CDS1: variants seen among roughly 807,000 people sequenced by gnomAD.
CDS1 encodes phosphatidate cytidylyltransferase 1.
A neutral mutation model predicts 62.1 loss-of-function variants in CDS1; 41 were observed. The ratio of observed to expected loss-of-function variants is 0.66; its 90% CI spans 0.51 to 0.86. The LOEUF (loss-of-function observed/expected upper bound fraction) is 0.86, where lower values mean the gene tolerates loss of function less well. Ranked by LOEUF, CDS1 falls within the 40% of genes least tolerant of loss-of-function variation. The pLI is 0.00. For missense variants in CDS1, 470 were observed against 550.1 expected, an observed-to-expected ratio of 0.85 and a Z score of 1.46; for synonymous variants, 185 against 192.6, an observed-to-expected ratio of 0.96 and a Z score of 0.32.
intron 2 of CDS1, among the ~76,000 whole-genome samples, chr4:84,606,707 GTTTCAC>G (rs1381702304): frequency 1.3e-5 from 2 of 151,766 alleles, no homozygotes; most frequent in African/African-American, 2.4e-5. Flanking sequence ...TTAAAACAGG[GTTTCAC>G]TCTGTTGCCT....
At chr4:84,603,754 G>T (rs1293652847) in intron 1 of CDS1, among the ~76,000 whole-genome samples, 1 of 152,196 alleles carries the variant, frequency 6.6e-6, no homozygotes, top group Non-Finnish European at 1.5e-5. Flanking sequence ...CATTTGACCT[G>T]CTTCAATTGG....
At chr4:84,625,418 G>A (rs1231217489) in intron 5 of CDS1, among the ~76,000 whole-genome samples, 2 of 152,114 alleles carry the variant, frequency 1.3e-5, no homozygotes, top group African/African-American at 4.8e-5. Context: ...GCTGAAATGT[G>A]AACAAGTCCT....
rs1389687681 is a variant in CDS1, at chr4:84,640,956, C to T, written c.998C>T (p.Ser333Leu). The change falls in exon 10 of 13, where the codon TCA becomes TTA. Residue 333 changes from serine (S) to leucine (L), a missense_variant. By Grantham distance (145) the Ser-to-Leu change is moderately radical (BLOSUM62 -2). Around this residue, in one of 5 missense-constraint regions of CDS1, gnomAD observed 214 missense variants for 242.4 expected, o/e 0.88. Transcript: ENST00000295887. ...PSELFQLQTY[S>L]LPPFLKAVLR... ...GAACTTTTCCAGCTTCAGACTTACT[C>T]ACTTCCACCCTTTCTAAAGGCAGTC... 6.2e-7 allele frequency: 1 copy of T among 1,601,642 alleles called. No individual in the cohort carries two copies. The highest frequency in any genetic ancestry group is 1.1e-5 in the South Asian group (1 of 89,050).
chr4:84,633,930 G>A lies in CDS1; in HGVS notation c.713G>A (p.Gly238Asp). Residue 238 changes from glycine to aspartate, a missense_variant, in exon 7 of 13, where the codon GGC becomes GAC. Gly to Asp is a moderately conservative substitution (Grantham distance 94). Around this residue, in one of 5 missense-constraint regions of CDS1, gnomAD observed 214 missense variants for 242.4 expected, o/e 0.88. Transcript: ENST00000295887. The stretch of plus-strand genomic sequence containing the variant: ...CTTGTCATCCAAAATCTGTTTGAAG[G>A]CATGATATGGTAAGGCAACAGAATT... Reference protein sequence around the residue: ...SHLVIQNLFEGMIWFLVPISS... With the variant: ...SHLVIQNLFEDMIWFLVPISS... 3 of 1,596,944 alleles carry A rather than the reference G, an allele frequency of 1.9e-6. No individual in the cohort carries two copies. Among genetic ancestry groups the A allele is most frequent in the Non-Finnish European group, 2.6e-6 (3 of 1,168,118 alleles).
At chr4:84,615,518 C>A (rs971878315) in intron 3 of CDS1, among the ~76,000 whole-genome samples, 1 of 152,078 alleles carries the variant, frequency 6.6e-6, no homozygotes, top group African/African-American at 2.4e-5. Context: ...TCCCTTAATA[C>A]GCCCCATTCC....
intron 12 of CDS1, among the ~76,000 whole-genome samples, chr4:84,647,804 G>T (rs560928798): frequency 7.9e-5 from 12 of 152,188 alleles, no homozygotes; most frequent in Admixed American, 7.2e-4. Flanking sequence ...TTTCTTTGTT[G>T]CTGGGATTTC....
At chr4:84,609,176 G>A (rs571984962) in intron 2 of CDS1, among the ~76,000 whole-genome samples, 26 of 118,314 alleles carry the variant, frequency 2.2e-4, no homozygotes, top group East Asian at 2.3e-4. Context: ...GCGAGACTCC[G>A]TCTCAAAAAA....
At chr4:84,598,617 AT>A (rs949061469) in intron 1 of CDS1, among the ~76,000 whole-genome samples, 9 of 152,020 alleles carry the variant, frequency 5.9e-5, no homozygotes, top group African/African-American at 2.2e-4. Context: ...GCCATCATCT[AT>A]TTTTAAAATT....
chr4:84,600,966 C>T (rs1722916651), intron 1 of CDS1, among the ~76,000 whole-genome samples: 1 of 151,678 alleles, frequency 6.6e-6, no homozygotes, highest in Non-Finnish European at 1.5e-5. Context: ...CCCAGGAGTT[C>T]AAGACCAGCC....
Position 84,602,698 on chromosome 4 carries a change from G to A in CDS1, c.118-1545G>A, listed in dbSNP as rs182442397. ...GGTGAAAAGAAAATGGCAGGGAAAA[G>A]AAAAAAAAAACTGATGTGTTTCCCT... On this transcript the variant is annotated intron_variant, in intron 1 of 12. Transcript: ENST00000295887. Among the ~76,000 whole-genome samples, 664 of 148,560 alleles carry A rather than the reference G, an allele frequency of 4.5e-3. 19 individuals are homozygous for A. The highest frequency in any genetic ancestry group is 0.041 in the Admixed American group (619 of 14,924).
chr4:84,648,461 C>T, intron 12 of CDS1, 96 bp from the exon 13 acceptor site: 1 of 1,130,610 alleles, frequency 8.8e-7, no homozygotes, highest in Non-Finnish European at 1.3e-6. Context: ...TCCTACTCTA[C>T]ACTTAAAGGA....
chr4:84,593,794 G>A (rs1197844904), intron 1 of CDS1, among the ~76,000 whole-genome samples: 3 of 152,116 alleles, frequency 2.0e-5, no homozygotes, highest in South Asian at 4.1e-4. Context: ...ATGAGCCACC[G>A]TGCTGGCCTA....
intron 12 of CDS1, among the ~76,000 whole-genome samples, chr4:84,647,188 AT>A (rs1013926908): frequency 1.3e-5 from 2 of 151,808 alleles, no homozygotes; most frequent in Non-Finnish European, 2.9e-5. Context: ...CATATAGCTG[AT>A]TTTTTTCCCT....
At chr4:84,636,209 A>G (rs909058309) in intron 8 of CDS1, among the ~76,000 whole-genome samples, 3 of 152,182 alleles carry the variant, frequency 2.0e-5, no homozygotes, top group Non-Finnish European at 2.9e-5. Context: ...AGAAGAGATT[A>G]TATAATACAC....
intron 5 of CDS1, among the ~76,000 whole-genome samples, chr4:84,621,360 A>G (rs1406131267): frequency 1.3e-5 from 2 of 152,154 alleles, no homozygotes; most frequent in African/African-American, 4.8e-5. Flanking sequence ...AAGCATGTCC[A>G]GTCCTGTAGA....
At chr4:84,642,922 C>CT in intron 10 of CDS1, 102 bp from the exon 11 acceptor site, 1 of 1,168,894 alleles carries the variant, frequency 8.6e-7, no homozygotes, top group East Asian at 2.4e-5. Context: ...GTGGTGCGTG[C>CT]TTTGACTTAC....
chr4:84,602,861 G>A lies in CDS1; in HGVS notation c.118-1382G>A, dbSNP rs919431729. 3.3e-5 allele frequency among the ~76,000 whole-genome samples: 5 copies of A among 152,098 alleles called. No homozygotes were observed. In the South Asian group the frequency reaches 8.3e-4, roughly 25 times the overall value. Reference sequence around the variant, plus strand: ...GCAGCTTCAGGGCCAACTGACTCTCGGTGTCACAGTGGGAATTTGACATTT... The same window carrying A: ...GCAGCTTCAGGGCCAACTGACTCTCAGTGTCACAGTGGGAATTTGACATTT... On this transcript the variant is annotated intron_variant, in intron 1 of 12. Coordinates refer to ENST00000295887, the MANE Select transcript of CDS1 (RefSeq NM_001263.4).
rs545347516 is a variant in CDS1 at position 84,627,604 on chromosome 4, A to G, written c.581-4215A>G. Among the ~76,000 whole-genome samples, 5 of 152,244 alleles carry G rather than the reference A, an allele frequency of 3.3e-5. No homozygotes were observed. The South Asian group carries it at 6.2e-4, about 19-fold the overall frequency. On this transcript the variant is annotated intron_variant, in intron 5 of 12. Transcript: ENST00000295887. ...CCAACTATAGTGATGTGCATATTATATTTAATAAATTATTTTTTGCTTGTA... is the reference window on the plus strand; with the variant it reads ...CCAACTATAGTGATGTGCATATTATGTTTAATAAATTATTTTTTGCTTGTA...
At chr4:84,634,205 A>G (rs1351416368) in intron 7 of CDS1, among the ~76,000 whole-genome samples, 1 of 152,212 alleles carries the variant, frequency 6.6e-6, no homozygotes, top group Admixed American at 6.5e-5. Context: ...TTCAGGTGTT[A>G]ATAAATCCTA....
Sources: gnomAD v4.1 joint callset for allele counts (sites outside exome capture counted in the v4.1 genomes callset) on GRCh38, gnomAD v4.1.1 for gene constraint, gnomAD v4.1.1 regional missense constraint, MANE v1.5 for transcripts, NCBI Gene and HGNC (gene_info 2026-07-23, HGNC 2026-07-21) for gene names.